ECE2: variants seen among roughly 807,000 people sequenced by gnomAD.
ECE2 encodes endothelin converting enzyme 2.
Under a neutral mutation model 100.6 loss-of-function variants are expected in ECE2, and 81 were observed. That is an observed-to-expected ratio of 0.81 (90% CI 0.67 to 0.97). The LOEUF (loss-of-function observed/expected upper bound fraction) is 0.97, where lower values mean the gene tolerates loss of function less well. ECE2 is among the 50% of genes least tolerant of loss of function. The pLI is 0.00. For synonymous variants in ECE2, 391 were observed against 391.5 expected, an observed-to-expected ratio of 1.00 and a Z score of 0.02; for missense variants, 911 against 988.1, an observed-to-expected ratio of 0.92 and a Z score of 1.05.
chr3:184,282,614 C>T (rs951663739), intron 7 of ECE2, among the ~76,000 whole-genome samples: 1 of 152,216 alleles, frequency 6.6e-6, no homozygotes, highest in Non-Finnish European at 1.5e-5. Context: ...CATGGAGCCT[C>T]AGGGCCAGCA....
chr3:184,282,378 A>C (rs1048768499), intron 7 of ECE2, among the ~76,000 whole-genome samples: 5 of 151,800 alleles, frequency 3.3e-5, no homozygotes, highest in Non-Finnish European at 5.9e-5. Context: ...GTAGAAGAAG[A>C]GATGGCCTTT....
At position 184,289,016 on chromosome 3, in the gene ECE2, A is replaced by G. The variant is rs1721187241; in HGVS notation, c.1375-421A>G. Among the ~76,000 whole-genome samples the G allele has an allele frequency of 3.3e-5, 5 of 152,118 alleles. No individual in the cohort carries two copies. The South Asian group carries it at 1.0e-3, about 32-fold the overall frequency. On this transcript the variant is annotated intron_variant, in intron 11 of 18. Coordinates refer to ENST00000404464, the MANE Select transcript of ECE2 (RefSeq NM_001100121.2). This position sits in a 1 kb window ranked among gnomAD's most constrained non-coding sequence, Gnocchi z 4.1. Reference sequence around the variant, plus strand: ...CTAAAAATACAAAAATTACCCGGGCATGATGGCGGGAGCCTGTAATCCTAG... The same window carrying G: ...CTAAAAATACAAAAATTACCCGGGCGTGATGGCGGGAGCCTGTAATCCTAG...
In ECE2 at chr3:184,278,187, G is replaced by A. The variant is rs139095623; in HGVS notation, c.624G>A (p.Thr208=). The change falls in exon 6 of 19, where the codon ACG becomes ACA. Residue 208 remains threonine (T), a synonymous_variant. Transcript: ENST00000404464. ...LIEKIGGWNI[T]GPWDQDNFME... is the part of the protein sequence containing the mutation. ...CATAGATTGGTGGTTGGAACATTAC[G>A]GGGCCCTGGGACCAGGACAACTTTA... 3.7e-5 allele frequency: 60 copies of A among 1,614,110 alleles called. 1 individual carries two copies. In the African/African-American group the frequency reaches 6.1e-4, roughly 16 times the overall value.
intron 7 of ECE2, 25 bp downstream of exon 7, chr3:184,278,582 A>G (rs1288974625): frequency 2.5e-6 from 4 of 1,613,004 alleles, no homozygotes; most frequent in African/African-American, 1.3e-5. Flanking sequence ...CCGAACCCCC[A>G]TCCCTACCCC....
At chr3:184,278,364 C>T (rs1462182004) in intron 6 of ECE2, 51 bp downstream of exon 6, 1 of 1,599,348 alleles carries the variant, frequency 6.3e-7, no homozygotes, top group South Asian at 1.1e-5. Context: ...TTTGCTGAGC[C>T]CAGACTTCCC....
chr3:184,285,408 T>A (rs763405034), intron 9 of ECE2, 70 bp from the exon 10 acceptor site: 32 of 1,238,270 alleles, frequency 2.6e-5, no homozygotes, highest in Non-Finnish European at 3.8e-5. Context: ...TGCATGTTCC[T>A]GGGGGCTGGT....
intron 10 of ECE2, among the ~76,000 whole-genome samples, chr3:184,287,163 C>G (rs1721093113): frequency 6.6e-6 from 1 of 151,732 alleles, no homozygotes; most frequent in Admixed American, 6.6e-5. Flanking sequence ...TTAGTCTCAG[C>G]TACTCGGGAG....
At chr3:184,276,659 C>T (rs13063766) in intron 2 of ECE2, 92 bp downstream of exon 2, 44,084 of 1,567,698 alleles carry the variant, frequency 0.028, 724 homozygotes, top group Middle Eastern at 0.043. Flanking sequence ...TGGAGGGTCA[C>T]CTGCCCCCAC....
At position 184,292,176 on chromosome 3, in the gene ECE2, C is replaced by T. The variant is rs201775833; in HGVS notation, c.2236C>T (p.Arg746Trp). The change falls in exon 19 of 19, where the codon CGG (arginine) becomes TGG (tryptophan). Residue 746 changes from arginine (R) to tryptophan (W), a missense_variant. Coordinates refer to ENST00000404464, the MANE Select transcript of ECE2 (RefSeq NM_001100121.2). The part of the protein sequence containing the change: ...GTLSNSRDFL[R>W]HFGCPVGSPM... ...TCTCTCCAACTCCCGTGACTTCCTG[C>T]GGCACTTCGGCTGCCCTGTCGGCTC... The T allele has an allele frequency of 8.5e-5, 138 of 1,614,132 alleles. 2 individuals carry two copies. In the Middle Eastern group the frequency reaches 3.3e-3, roughly 39 times the overall value.
intron 7 of ECE2, among the ~76,000 whole-genome samples, chr3:184,283,296 C>T (rs1383241740): frequency 2.0e-5 from 3 of 152,090 alleles, no homozygotes; most frequent in East Asian, 1.9e-4. Context: ...TGCAGTGGCT[C>T]ATGCCTGTAA....
rs779847752 is a variant in ECE2, at chr3:184,292,267, G to A, written c.*29G>A. The stretch of plus-strand genomic sequence containing the variant: ...TGGATCAGGGGAGAAATGGCCAGCT[G>A]TCACCAGACCTGGGGCAGCTCTCCT... On this transcript the variant is annotated 3_prime_UTR_variant, in exon 19 of 19. Transcript: ENST00000404464. The A allele has an allele frequency of 6.2e-7, 1 of 1,611,304 alleles. No homozygotes were observed. The highest frequency in any genetic ancestry group is 8.5e-7 in the Non-Finnish European group (1 of 1,177,944).
chr3:184,289,787 T>G lies in ECE2; in HGVS notation c.1551+69T>G, dbSNP rs1435411727. ...GGGCACTGTTCCCTGGGCTTAGAAA[T>G]TGGGGCTCAAGCACTGGGAAAGAGG... is the stretch of plus-strand genomic sequence containing the variant. On this transcript the variant is annotated intron_variant, in intron 13 of 18. Coordinates refer to ENST00000404464, the MANE Select transcript of ECE2 (RefSeq NM_001100121.2). The surrounding 1 kb of genome is among the most constrained non-coding windows in gnomAD (Gnocchi z 4.1). The G allele has an allele frequency of 7.1e-7, 1 of 1,400,046 alleles. No individual in the cohort carries two copies. Among genetic ancestry groups the G allele is most frequent in the Non-Finnish European group, 9.7e-7 (1 of 1,028,484 alleles). 86.7% of individuals were successfully genotyped at this position (1,400,046 alleles called of 1,614,324 possible). A position where few individuals can be genotyped will look rare whatever the true frequency, so the allele number is the denominator to read the frequency against.
rs779203287 is a variant in ECE2 at position 184,283,871 on chromosome 3, G to C, written c.903G>C (p.Gln301His). Residue 301 changes from glutamine to histidine, a missense_variant, in exon 8 of 19, where the codon CAG (glutamine) becomes CAC (histidine). By Grantham distance (24) the Gln-to-His change is conservative (BLOSUM62 0). Coordinates refer to ENST00000404464, the MANE Select transcript of ECE2 (RefSeq NM_001100121.2). Reference protein sequence around the residue: ...RPTSTREQMQQVLELEIQLAN... With the variant: ...RPTSTREQMQHVLELEIQLAN... The stretch of plus-strand genomic sequence containing the variant: ...CCTCCACGAGGGAGCAGATGCAGCA[G>C]GTGCTGGAGTTGGAGATACAGCTGG... 1.2e-6 allele frequency: 2 copies of C among 1,614,028 alleles called. No homozygotes were observed. The highest frequency in any genetic ancestry group is 1.7e-6 in the Non-Finnish European group (2 of 1,180,030).
At chr3:184,280,880 G>A (rs1310963851) in intron 7 of ECE2, among the ~76,000 whole-genome samples, 1 of 151,912 alleles carries the variant, frequency 6.6e-6, no homozygotes, top group African/African-American at 2.4e-5. Context: ...TTGGAAGGCC[G>A]AGGCAGGAGA....
intron 7 of ECE2, 62 bp from the exon 8 acceptor site, chr3:184,283,723 A>G: frequency 6.4e-7 from 1 of 1,553,116 alleles, no homozygotes; most frequent in Non-Finnish European, 8.8e-7. Flanking sequence ...GGTGGTAAGA[A>G]CAGATCTCAG....
In ECE2 at chr3:184,291,237, G is replaced by A; in HGVS notation, c.2025+7G>A. On this transcript the variant is annotated splice_region_variant and intron_variant, in intron 17 of 18. Coordinates refer to ENST00000404464, the MANE Select transcript of ECE2 (RefSeq NM_001100121.2). This position sits in a 1 kb window ranked among gnomAD's most constrained non-coding sequence, Gnocchi z 4.1. Reference sequence around the variant, plus strand: ...GCTGAAGGCTGCCTACAATGTGAGTGGCCTGACCAGCCCTCCAGCGGCTGA... The same window carrying A: ...GCTGAAGGCTGCCTACAATGTGAGTAGCCTGACCAGCCCTCCAGCGGCTGA... 1.2e-6 allele frequency: 2 copies of A among 1,608,998 alleles called. No individual in the cohort carries two copies. The highest frequency in any genetic ancestry group is 2.2e-5 in the East Asian group (1 of 44,836).
intron 7 of ECE2, among the ~76,000 whole-genome samples, chr3:184,280,224 G>C (rs1369237854): frequency 6.6e-6 from 1 of 152,166 alleles, no homozygotes; most frequent in Non-Finnish European, 1.5e-5. Context: ...AGGAATAGGA[G>C]AGACTTTGGA....
At chr3:184,290,495 G>T in intron 14 of ECE2, 62 bp from the exon 15 acceptor site, 1 of 1,579,974 alleles carries the variant, frequency 6.3e-7, no homozygotes, top group African/African-American at 1.3e-5. Context: ...GGGCAGGGCT[G>T]TTGGGAGGGG....
At position 184,289,749 on chromosome 3, in the gene ECE2, T is replaced by G. The variant is rs1346589207; in HGVS notation, c.1551+31T>G. 2 of 1,579,178 alleles carry G rather than the reference T, an allele frequency of 1.3e-6. No homozygotes were observed. Among genetic ancestry groups the G allele is most frequent in the Non-Finnish European group, 1.7e-6 (2 of 1,159,704 alleles). ...TACCTACGCTCATCAGTACTGAACTTCAGCCCTGTAGAGGGCACTGTTCCC... is the reference window on the plus strand; with the variant it reads ...TACCTACGCTCATCAGTACTGAACTGCAGCCCTGTAGAGGGCACTGTTCCC... On this transcript the variant is annotated intron_variant, in intron 13 of 18. Transcript: ENST00000404464. This position sits in a 1 kb window ranked among gnomAD's most constrained non-coding sequence, Gnocchi z 4.1.
Sources: allele counts gnomAD v4.1 joint callset (sites outside exome capture counted in the v4.1 genomes callset), GRCh38; gene constraint gnomAD v4.1.1; non-coding constraint Gnocchi (gnomAD v3.1); transcripts MANE v1.5; gene names NCBI Gene and HGNC (gene_info 2026-07-23, HGNC 2026-07-21).